Variants in CNTNAP2 observed in about 807,000 individuals in gnomAD.
CNTNAP2 encodes the protein contactin-associated protein-like 2.
CNTNAP2 carries 98 observed loss-of-function variants against 155.2 expected under a neutral mutation model. The observed-to-expected ratio is 0.63, with a 90% CI of 0.54 to 0.75. CNTNAP2 has a LOEUF of 0.75. CNTNAP2 is among the 30% of genes least tolerant of loss of function. The pLI is 0.00. For missense variants in CNTNAP2, 1,727 were observed against 1,688.1 expected, an observed-to-expected ratio of 1.02 and a Z score of -0.40; for synonymous variants, 651 against 631.2, an observed-to-expected ratio of 1.03 and a Z score of -0.47.
intron 13 of CNTNAP2, among the ~76,000 whole-genome samples, chr7:147,722,006 C>T (rs80143958): frequency 0.018 from 2,798 of 152,246 alleles, 96 homozygotes; most frequent in South Asian, 0.12. Context: ...CAAGTCTGTT[C>T]AGTTATAACC....
chr7:146,780,632 C>T (rs1251075083), intron 2 of CNTNAP2, among the ~76,000 whole-genome samples: 2 of 151,946 alleles, frequency 1.3e-5, no homozygotes, highest in Non-Finnish European at 2.9e-5. Flanking sequence ...CAAATGGCCA[C>T]CAATGATGGA....
At chr7:146,252,491 T>C (rs1162605489) in intron 1 of CNTNAP2, among the ~76,000 whole-genome samples, 1 of 152,090 alleles carries the variant, frequency 6.6e-6, no homozygotes, top group East Asian at 1.9e-4. Context: ...CCACTTCTAC[T>C]CTGTTTTCGG....
At chr7:146,929,154 C>G (rs1377902982) in intron 3 of CNTNAP2, among the ~76,000 whole-genome samples, 1 of 152,224 alleles carries the variant, frequency 6.6e-6, no homozygotes, top group Non-Finnish European at 1.5e-5. Flanking sequence ...TCCCTGACCC[C>G]TGACCTCCGA....
chr7:147,802,578 A>G (rs992819381), intron 13 of CNTNAP2, among the ~76,000 whole-genome samples: 4 of 152,194 alleles, frequency 2.6e-5, no homozygotes, highest in Admixed American at 6.5e-5. Flanking sequence ...GCTGGAGACC[A>G]GCCCGGCCAA....
At chr7:146,180,061 ACT>A (rs1367288886) in intron 1 of CNTNAP2, among the ~76,000 whole-genome samples, 1 of 152,080 alleles carries the variant, frequency 6.6e-6, no homozygotes, top group Non-Finnish European at 1.5e-5. Context: ...AAAGCACTAA[ACT>A]CTGTATGTTT....
intron 1 of CNTNAP2, among the ~76,000 whole-genome samples, chr7:146,292,980 T>G (rs148370495): frequency 2.0e-3 from 310 of 152,072 alleles, no homozygotes; most frequent in African/African-American, 7.0e-3. Flanking sequence ...ATATAGGAAA[T>G]AACATATTGT....
At chr7:146,507,544 G>T (rs192028541) in intron 1 of CNTNAP2, among the ~76,000 whole-genome samples, 23 of 152,256 alleles carry the variant, frequency 1.5e-4, no homozygotes, top group Admixed American at 9.2e-4. Flanking sequence ...TATCCCAAGA[G>T]GCTCACAAAA....
At chr7:146,730,305 A>G (rs1178496030) in intron 1 of CNTNAP2, among the ~76,000 whole-genome samples, 3 of 152,192 alleles carry the variant, frequency 2.0e-5, no homozygotes, top group Non-Finnish European at 4.4e-5. Flanking sequence ...TTAATATCAC[A>G]TTAACTTTCA....
At chr7:146,371,042 A>G (rs1174324906) in intron 1 of CNTNAP2, among the ~76,000 whole-genome samples, 1 of 152,116 alleles carries the variant, frequency 6.6e-6, no homozygotes, top group Non-Finnish European at 1.5e-5. Context: ...AGCATCTAAG[A>G]TGAATTATTC....
chr7:147,747,211 A>G (rs1402574229), intron 13 of CNTNAP2, among the ~76,000 whole-genome samples: 1 of 152,216 alleles, frequency 6.6e-6, no homozygotes, highest in Non-Finnish European at 1.5e-5. Flanking sequence ...TAGCACATCT[A>G]GGAGTCTTCC....
chr7:148,371,112 T>C (rs1191708142), intron 21 of CNTNAP2, among the ~76,000 whole-genome samples: 1 of 152,224 alleles, frequency 6.6e-6, no homozygotes, highest in African/African-American at 2.4e-5. Context: ...TCCATCCTTT[T>C]CATGACTCAG....
chr7:148,179,648 T>G (rs1422522753), intron 18 of CNTNAP2, among the ~76,000 whole-genome samples: 67 of 98,036 alleles, frequency 6.8e-4, no homozygotes, highest in South Asian at 9.2e-4. Flanking sequence ...AGAGAAAGAG[T>G]GAGAAAGAGA....
chr7:148,349,662 A>G (rs549862372), intron 21 of CNTNAP2, among the ~76,000 whole-genome samples: 47 of 152,142 alleles, frequency 3.1e-4, no homozygotes, highest in African/African-American at 1.0e-3. Flanking sequence ...CAGCCTCCCA[A>G]AGTGCTGGGA....
intron 18 of CNTNAP2, among the ~76,000 whole-genome samples, chr7:148,181,781 G>A (rs1360934449): frequency 3.7e-5 from 3 of 81,632 alleles, no homozygotes; most frequent in Admixed American, 2.0e-4. Flanking sequence ...TTTTTGAGAC[G>A]GAGTCTCGCA....
At chr7:148,346,465 T>C (rs1218287489) in intron 21 of CNTNAP2, among the ~76,000 whole-genome samples, 1 of 152,188 alleles carries the variant, frequency 6.6e-6, no homozygotes, top group Non-Finnish European at 1.5e-5. Flanking sequence ...ATGATTGCGA[T>C]TTTTGCCATT....
chr7:146,385,243 C>T (rs1795444144), intron 1 of CNTNAP2, among the ~76,000 whole-genome samples: 1 of 152,012 alleles, frequency 6.6e-6, no homozygotes, highest in Non-Finnish European at 1.5e-5. Context: ...TCTTGTTGCT[C>T]TTCCAGGGCT....
At chr7:148,225,310 A>C (rs1048564591) in intron 19 of CNTNAP2, among the ~76,000 whole-genome samples, 1 of 152,168 alleles carries the variant, frequency 6.6e-6, no homozygotes, top group African/African-American at 2.4e-5. Context: ...TTAATGAGGA[A>C]GTCACAGAAA....
intron 8 of CNTNAP2, among the ~76,000 whole-genome samples, chr7:147,176,662 A>C (rs1451675455): frequency 8.7e-6 from 1 of 115,356 alleles, no homozygotes; most frequent in Non-Finnish European, 1.7e-5. Context: ...TAATAGAATT[A>C]TATTCTGTAT....
intron 20 of CNTNAP2, among the ~76,000 whole-genome samples, chr7:148,255,664 AT>A (rs1244425256): frequency 6.6e-6 from 1 of 152,220 alleles, no homozygotes; most frequent in Non-Finnish European, 1.5e-5. Context: ...AGGCAGATAT[AT>A]TTTACTGATT....
Sources: gnomAD v4.1 joint callset for allele counts (sites outside exome capture counted in the v4.1 genomes callset) on GRCh38, gnomAD v4.1.1 for gene constraint, MANE v1.5 for transcripts, NCBI Gene and HGNC (gene_info 2026-07-23, HGNC 2026-07-21) for gene names.